Variants in POM121 observed in about 807,000 individuals in gnomAD.
The protein encoded by POM121 is nuclear envelope pore membrane protein POM 121.
POM121 carries 32 observed loss-of-function variants against 81.3 expected under a neutral mutation model. The ratio of observed to expected loss-of-function variants is 0.39; its 90% CI spans 0.30 to 0.53. The LOEUF is 0.53. Among genes scored for constraint, POM121 ranks in the 20% least tolerant of loss-of-function variants. The pLI is 0.66. For missense variants in POM121, 1,138 were observed against 1,614.6 expected, an observed-to-expected ratio of 0.70 and a Z score of 5.06; for synonymous variants, 514 against 694.2, an observed-to-expected ratio of 0.74 and a Z score of 4.08.
intron 5 of POM121, among the ~76,000 whole-genome samples, chr7:72,936,454 T>C (rs1211987655): frequency 7.2e-5 from 11 of 152,096 alleles, no homozygotes; most frequent in Non-Finnish European, 1.3e-4. Flanking sequence ...ATTTTTTGTA[T>C]TTTTAGTAGA....
chr7:72,893,444 C>T (rs1554491207), intron 3 of POM121, among the ~76,000 whole-genome samples: 4 of 151,970 alleles, frequency 2.6e-5, no homozygotes, highest in Middle Eastern at 3.4e-3. Context: ...ATTAGCCGGG[C>T]GTGGTGGCGG....
chr7:72,945,714 C>T lies in POM121; in HGVS notation c.3652+6C>T. The stretch of plus-strand genomic sequence containing the variant: ...TGTTGGTGTTGCACCTTTCGGTAAG[C>T]AGCAAGCCACCCTGTGGCCCTGCTC... On this transcript the variant is annotated splice_donor_region_variant and intron_variant, in intron 12 of 12. Coordinates refer to ENST00000434423, the MANE Select transcript of POM121 (RefSeq NM_001387691.1). 1 of 1,606,780 alleles carries T rather than the reference C, an allele frequency of 6.2e-7. No homozygotes were observed. Among genetic ancestry groups the T allele is most frequent in the Non-Finnish European group, 8.5e-7 (1 of 1,176,660 alleles).
At chr7:72,908,858 T>C (rs1271727660) in intron 3 of POM121, among the ~76,000 whole-genome samples, 6 of 152,224 alleles carry the variant, frequency 3.9e-5, no homozygotes, top group African/African-American at 1.4e-4. Context: ...TGTTATCCTG[T>C]TCTTTTTTCA....
At chr7:72,930,139 G>A (rs1238538522) in intron 5 of POM121, 28 bp downstream of exon 5, 3 of 1,578,614 alleles carry the variant, frequency 1.9e-6, no homozygotes, top group South Asian at 2.3e-5. Flanking sequence ...TTAATGTGGG[G>A]GACATGAATT....
chr7:72,899,895 A>T (rs1362206614), intron 3 of POM121, among the ~76,000 whole-genome samples: 1 of 145,856 alleles, frequency 6.9e-6, no homozygotes, highest in Non-Finnish European at 1.5e-5. Flanking sequence ...ATTAAATTTA[A>T]ACGTACTTGA....
chr7:72,909,041 C>G (rs1433695971), intron 3 of POM121, among the ~76,000 whole-genome samples: 2 of 152,166 alleles, frequency 1.3e-5, no homozygotes, highest in Non-Finnish European at 2.9e-5. Flanking sequence ...TCCATGAAAT[C>G]TTCACAATTT....
At chr7:72,930,149 T>C in intron 5 of POM121, 38 bp downstream of exon 5, 1 of 1,572,386 alleles carries the variant, frequency 6.4e-7, no homozygotes, top group East Asian at 2.3e-5. Flanking sequence ...GGACATGAAT[T>C]CCCAGCGTTC....
rs147745985 is a variant in POM121 at position 72,914,457 on chromosome 7, A to G, written c.-152+629A>G. ...GCAATTAGTAACTGAAACAGACTTC[A>G]CTTCTTTATACTCATTAAGGAATGA... On this transcript the variant is annotated intron_variant, in intron 4 of 15. Transcript: ENST00000395270. Among the ~76,000 whole-genome samples the G allele has an allele frequency of 6.3e-3, 935 of 148,466 alleles. 4 individuals carry two copies. The highest frequency in any genetic ancestry group is 0.022 in the African/African-American group (896 of 40,566).
chr7:72,925,850 T>G (rs1795389001), intron 1 of POM121, 85 bp downstream of exon 1: 1 of 1,237,120 alleles, frequency 8.1e-7, no homozygotes, highest in African/African-American at 1.6e-5. Context: ...GATTTGCTTT[T>G]TCATCAAGTC....
chr7:72,897,903 C>G (rs1451277068), intron 3 of POM121, among the ~76,000 whole-genome samples: 6 of 152,128 alleles, frequency 3.9e-5, no homozygotes, highest in African/African-American at 1.4e-4. Context: ...CCTGTAGTCC[C>G]AGGGACTTGG....
At chr7:72,904,027 C>T (rs1339209006) in intron 3 of POM121, among the ~76,000 whole-genome samples, 2 of 152,196 alleles carry the variant, frequency 1.3e-5, no homozygotes, top group Non-Finnish European at 2.9e-5. Flanking sequence ...TGGTCTCGAA[C>T]TCCTGGCCTC....
intron 5 of POM121, among the ~76,000 whole-genome samples, chr7:72,931,862 C>T (rs1394888338): frequency 6.6e-6 from 1 of 152,156 alleles, no homozygotes; most frequent in Admixed American, 6.5e-5. Context: ...TGAGCCACCA[C>T]GCCTGGCCCA....
intron 1 of POM121, among the ~76,000 whole-genome samples, chr7:72,883,351 A>G (rs1394502774): frequency 1.2e-4 from 19 of 152,138 alleles, no homozygotes; most frequent in Non-Finnish European, 2.5e-4. Flanking sequence ...ATGTATTCTC[A>G]CTGTATTGCT....
intron 5 of POM121, among the ~76,000 whole-genome samples, chr7:72,934,753 C>T (rs1796352593): frequency 6.6e-6 from 1 of 151,962 alleles, no homozygotes; most frequent in Non-Finnish European, 1.5e-5. Context: ...TGTAGAAATA[C>T]CCATTTCTCT....
intron 1 of POM121, among the ~76,000 whole-genome samples, chr7:72,886,412 C>T (rs1273820396): frequency 1.3e-5 from 2 of 152,084 alleles, no homozygotes; most frequent in African/African-American, 4.8e-5. Context: ...GACCTCAGGT[C>T]ACCCATCTGC....
At chr7:72,902,261 T>C (rs1326817817) in intron 3 of POM121, among the ~76,000 whole-genome samples, 1 of 147,252 alleles carries the variant, frequency 6.8e-6, no homozygotes, top group Admixed American at 6.7e-5. Flanking sequence ...CTTTCTTTTT[T>C]TTTTTTTTTT....
At chr7:72,885,049 T>C (rs2129574480) in intron 1 of POM121, among the ~76,000 whole-genome samples, 1 of 152,354 alleles carries the variant, frequency 6.6e-6, no homozygotes, top group East Asian at 1.9e-4. Flanking sequence ...TTCATGCTTT[T>C]TAAGTCTGTT....
intron 6 of POM121, among the ~76,000 whole-genome samples, 153 bp downstream of exon 6, chr7:72,938,834 C>T (rs1369803862): frequency 1.3e-5 from 2 of 152,216 alleles, no homozygotes; most frequent in African/African-American, 2.4e-5. Flanking sequence ...CAGTACCCAC[C>T]CGAAGTGCTG....
rs782249590 is a variant in POM121, at chr7:72,943,299, G to A, written c.3306G>A (p.Ser1102=). 2.4e-5 allele frequency: 38 copies of A among 1,607,966 alleles called. No homozygotes were observed. Among genetic ancestry groups the A allele is most frequent in the East Asian group, 1.1e-4 (5 of 44,576 alleles). The part of the protein sequence containing the change: ...TTPSPFTFGG[S]AAPAGSGSFG... ...CATCACCCTTCACGTTTGGGGGTTC[G>A]GCAGCCCCCGCTGGCAGTGGGAGCT... The change falls in exon 11 of 13, where the codon TCG becomes TCA. Residue 1102 remains serine, a synonymous_variant. Coordinates refer to ENST00000434423, the MANE Select transcript of POM121 (RefSeq NM_001387691.1).
Sources: gnomAD v4.1 joint callset for allele counts (sites outside exome capture counted in the v4.1 genomes callset) on GRCh38, gnomAD v4.1.1 for gene constraint, MANE v1.5 for transcripts, NCBI Gene and HGNC (gene_info 2026-07-23, HGNC 2026-07-21) for gene names.